The following MMGT1 variants were observed in gnomAD, a reference collection of about 807,000 sequenced individuals.
The protein encoded by MMGT1 is membrane magnesium transporter 1, also known as ER membrane protein complex subunit 5.
A neutral mutation model predicts 11.7 loss-of-function variants in MMGT1; 2 were observed. That is an observed-to-expected ratio of 0.17 (90% CI 0.07 to 0.54). The LOEUF (loss-of-function observed/expected upper bound fraction) is 0.54, where lower values mean the gene tolerates loss of function less well. MMGT1 is among the 20% of genes least tolerant of loss of function. MMGT1 has a pLI of 0.94. For missense variants in MMGT1, 74 were observed against 109.0 expected (o/e 0.68, Z 1.43); for synonymous variants, 49 against 44.4 (o/e 1.10, Z -0.41).
chrX:135,960,678 A>C lies in MMGT1; in HGVS notation c.*4346T>G, dbSNP rs1473539981. Among the ~76,000 whole-genome samples the C allele has an allele frequency of 8.9e-6, 1 of 112,139 alleles. No individual in the cohort carries two copies. Among genetic ancestry groups the C allele is most frequent in the Non-Finnish European group, 1.9e-5 (1 of 53,217 alleles). On this transcript the variant is annotated 3_prime_UTR_variant, in exon 4 of 4. Transcript: ENST00000305963. ...TCAGAAGCTGTAAAGACTAAGTTTAACTACATAAATAAAACTTAGGAAAAT... is the reference window on the plus strand; with the variant it reads ...TCAGAAGCTGTAAAGACTAAGTTTACCTACATAAATAAAACTTAGGAAAAT...
intron 1 of MMGT1, among the ~76,000 whole-genome samples, chrX:135,973,053 C>T (rs986304645): frequency 5.3e-5 from 6 of 112,383 alleles, no homozygotes; most frequent in African/African-American, 1.6e-4. Flanking sequence ...AATTTCATAA[C>T]GCAGTGTAGC....
Position 135,960,690 on chromosome X carries a change from A to C in MMGT1, c.*4334T>G, listed in dbSNP as rs187464463. Among the ~76,000 whole-genome samples, 26 of 112,129 alleles carry C rather than the reference A, an allele frequency of 2.3e-4. No homozygotes were observed. Among genetic ancestry groups the C allele is most frequent in the Middle Eastern group, 4.6e-3 (1 of 217 alleles). On this transcript the variant is annotated 3_prime_UTR_variant, in exon 4 of 4. Transcript: ENST00000305963. ...AAGACTAAGTTTAACTACATAAATA[A>C]AACTTAGGAAAATATTATTAAACAT...
chrX:135,973,053 C>G (rs986304645), intron 1 of MMGT1, among the ~76,000 whole-genome samples: 5 of 112,330 alleles, frequency 4.5e-5, no homozygotes, highest in Non-Finnish European at 9.4e-5. Flanking sequence ...AATTTCATAA[C>G]GCAGTGTAGC....
chrX:135,970,764 C>T (rs2089214060), intron 2 of MMGT1, among the ~76,000 whole-genome samples: 1 of 111,672 alleles, frequency 9.0e-6, no homozygotes, highest in African/African-American at 3.3e-5. Context: ...AAAAAATTAG[C>T]CGGGCATGGT....
At chrX:135,972,566 A>G (rs1002708008) in intron 1 of MMGT1, among the ~76,000 whole-genome samples, 1 of 112,085 alleles carries the variant, frequency 8.9e-6, no homozygotes, top group Non-Finnish European at 1.9e-5. Context: ...TGTAAAATGA[A>G]GGGGTTGGAC....
chrX:135,966,597 G>C (rs1195981636), intron 3 of MMGT1, among the ~76,000 whole-genome samples: 12 of 110,961 alleles, frequency 1.1e-4, no homozygotes, highest in African/African-American at 3.9e-4. Context: ...TCTCCATAAA[G>C]AAAGAAAGAA....
chrX:135,960,703 T>G lies in MMGT1; in HGVS notation c.*4321A>C, dbSNP rs1556611288. Among the ~76,000 whole-genome samples the G allele has an allele frequency of 8.9e-6, 1 of 111,931 alleles. No homozygotes were observed. The highest frequency in any genetic ancestry group is 3.2e-5 in the African/African-American group (1 of 30,852). ...ACTACATAAATAAAACTTAGGAAAA[T>G]ATTATTAAACATGACAATGGACCAA... On this transcript the variant is annotated 3_prime_UTR_variant, in exon 4 of 4. Coordinates refer to ENST00000305963, the MANE Select transcript of MMGT1 (RefSeq NM_173470.3).
At chrX:135,973,144 T>G (rs1556612731) in intron 1 of MMGT1, among the ~76,000 whole-genome samples, 1 of 111,851 alleles carries the variant, frequency 8.9e-6, no homozygotes. Flanking sequence ...CCCAGTCCAG[T>G]GCTCTTTCTC....
chrX:135,969,831 T>C (rs782728535), intron 2 of MMGT1, among the ~76,000 whole-genome samples: 1 of 112,334 alleles, frequency 8.9e-6, no homozygotes, highest in Non-Finnish European at 1.9e-5. Context: ...TACATAATGC[T>C]GTTTGTGTAT....
At chrX:135,973,028 A>T in intron 1 of MMGT1, among the ~76,000 whole-genome samples, 2 of 112,407 alleles carry the variant, frequency 1.8e-5, no homozygotes, top group Non-Finnish European at 3.8e-5. Context: ...AATTTCAAAC[A>T]GCGACCCAAA....
rs782131251 is a variant in MMGT1 at position 135,973,809 on chromosome X, G to A, written c.-134C>T. The A allele has an allele frequency of 2.8e-5, 33 of 1,161,378 alleles. No homozygotes were observed. The highest frequency in any genetic ancestry group is 3.7e-5 in the African/African-American group (2 of 54,703). ...CTGAGCGCAAAGTGTCTCAGTGGTG[G>A]AAAAGCCAGAGGGCTGTGAGAAAAC... On this transcript the variant is annotated 5_prime_UTR_variant, in exon 1 of 4. Transcript: ENST00000305963.
chrX:135,968,498 A>G lies in MMGT1; in HGVS notation c.133-1005T>C, dbSNP rs577248976. Among the ~76,000 whole-genome samples the G allele has an allele frequency of 5.9e-4, 11 of 18,583 alleles. No individual in the cohort carries two copies. In the South Asian group the frequency reaches 0.022, roughly 37 times the overall value. The allele number at this position is 18,583 out of a possible 115,157, so 16.1% of individuals were successfully genotyped here. ...AGCTTTCCTCGCTCAACATTATGTC[A>G]TTGTGTGTGTGTGTGTGTGTGTGTG... On this transcript the variant is annotated intron_variant, in intron 2 of 3. Coordinates refer to ENST00000305963, the MANE Select transcript of MMGT1 (RefSeq NM_173470.3).
In MMGT1 at chrX:135,964,957, G is replaced by T; in HGVS notation, c.*67C>A. The T allele has an allele frequency of 9.6e-7, 1 of 1,041,303 alleles. No individual in the cohort carries two copies. Among genetic ancestry groups the T allele is most frequent in the Non-Finnish European group, 1.3e-6 (1 of 752,602 alleles). The allele number at this position is 1,041,303 out of a possible 1,213,427, so 85.8% of individuals were successfully genotyped here. A position where few individuals can be genotyped will look rare whatever the true frequency, so the allele number is the denominator to read the frequency against. On this transcript the variant is annotated 3_prime_UTR_variant, in exon 4 of 4. Transcript: ENST00000305963. ...AATACTAATGGGGGCAGGGAGGAGT[G>T]TTTTATACCCCAAACTCCAATATTC...
In MMGT1 at chrX:135,968,499, T is replaced by TGTGTG. The variant is rs36089092; in HGVS notation, c.133-1007_133-1006insCACAC. 1.3e-4 allele frequency among the ~76,000 whole-genome samples: 11 copies of TGTGTG among 85,033 alleles called. No homozygotes were observed. In the South Asian group the frequency reaches 4.6e-3, roughly 36 times the overall value. 73.8% of individuals were successfully genotyped at this position (85,033 alleles called of 115,157 possible). Reference sequence around the variant, plus strand: ...GCTTTCCTCGCTCAACATTATGTCATTGTGTGTGTGTGTGTGTGTGTGTGT... The same window carrying TGTGTG: ...GCTTTCCTCGCTCAACATTATGTCATGTGTGTGTGTGTGTGTGTGTGTGTGTGTGT... On this transcript the variant is annotated intron_variant, in intron 2 of 3. Coordinates refer to ENST00000305963, the MANE Select transcript of MMGT1 (RefSeq NM_173470.3).
Position 135,964,895 on chromosome X carries a change from G to T in MMGT1, c.*129C>A, listed in dbSNP as rs1556611775. 1.9e-6 allele frequency: 1 copy of T among 538,914 alleles called. No individual in the cohort carries two copies. The allele number at this position is 538,914 out of a possible 1,213,427, so 44.4% of individuals were successfully genotyped here. A position where few individuals can be genotyped will look rare whatever the true frequency, so the allele number is the denominator to read the frequency against. On this transcript the variant is annotated 3_prime_UTR_variant, in exon 4 of 4. Coordinates refer to ENST00000305963, the MANE Select transcript of MMGT1 (RefSeq NM_173470.3). Reference sequence around the variant, plus strand: ...TAACAGTATATAAACAAGGGCCATGGTTTTTTTTACTAAAGTAGGTCTGAA... The same window carrying T: ...TAACAGTATATAAACAAGGGCCATGTTTTTTTTTACTAAAGTAGGTCTGAA...
rs782799054 is a variant in MMGT1, at chrX:135,961,263, T to C, written c.*3761A>G. Among the ~76,000 whole-genome samples the C allele has an allele frequency of 9.0e-6, 1 of 111,289 alleles. No individual in the cohort carries two copies. The highest frequency in any genetic ancestry group is 2.8e-4 in the East Asian group (1 of 3,570). The stretch of plus-strand genomic sequence containing the variant: ...ACAGCCGCTAAAAATAATGAGGTAT[T>C]TTTATATATACTGATACAGAAAGAT... On this transcript the variant is annotated 3_prime_UTR_variant, in exon 4 of 4. Coordinates refer to ENST00000305963, the MANE Select transcript of MMGT1 (RefSeq NM_173470.3).
intron 2 of MMGT1, among the ~76,000 whole-genome samples, chrX:135,970,055 T>C (rs2089208862): frequency 8.9e-6 from 1 of 112,307 alleles, no homozygotes; most frequent in South Asian, 3.6e-4. Context: ...GGAATACTTA[T>C]CATTTTAGTT....
chrX:135,967,342 C>T (rs782464547), intron 3 of MMGT1, 48 bp downstream of exon 3: 56 of 808,996 alleles, frequency 6.9e-5, no homozygotes, highest in Non-Finnish European at 9.5e-5. Context: ...TATGTGAATA[C>T]AGCAAACCTC....
At chrX:135,970,311 G>A (rs1483988981) in intron 2 of MMGT1, among the ~76,000 whole-genome samples, 2 of 110,422 alleles carry the variant, frequency 1.8e-5, no homozygotes, top group Non-Finnish European at 3.8e-5. Context: ...AGGTTGCAAC[G>A]AGCCCAGATC....
Sources: allele counts gnomAD v4.1 joint callset (sites outside exome capture counted in the v4.1 genomes callset), GRCh38; gene constraint gnomAD v4.1.1; transcripts MANE v1.5; gene names NCBI Gene and HGNC (gene_info 2026-07-23, HGNC 2026-07-21).